KLC4: variants seen among roughly 807,000 people sequenced by gnomAD.
KLC4 encodes kinesin light chain 4.
KLC4 carries 49 observed loss-of-function variants against 77.2 expected under a neutral mutation model. The observed-to-expected ratio is 0.63, with a 90% confidence interval of 0.50 to 0.80. The LOEUF (loss-of-function observed/expected upper bound fraction) is 0.80. Among genes scored for constraint, KLC4 ranks in the 30% least tolerant of loss-of-function variants. The probability of loss-of-function intolerance (pLI) is 0.00; values close to 1 mark genes in which losing one functional copy is unlikely to be tolerated. For missense variants in KLC4, 669 were observed against 793.5 expected, an observed-to-expected ratio of 0.84 and a Z score of 1.89; for synonymous variants, 274 against 314.5, an observed-to-expected ratio of 0.87 and a Z score of 1.36.
At chr6:43,067,181 C>A in intron 6 of KLC4, 98 bp downstream of exon 6, 1 of 1,506,078 alleles carries the variant, frequency 6.6e-7, no homozygotes, top group South Asian at 1.3e-5. Flanking sequence ...TCAGTCCACT[C>A]ACTAAGGGTG....
At chr6:43,067,229 A>G (rs1228151494) in intron 6 of KLC4, 146 bp downstream of exon 6, 13 of 1,420,144 alleles carry the variant, frequency 9.2e-6, no homozygotes, top group Non-Finnish European at 1.1e-5. Flanking sequence ...TCTTCCAGGC[A>G]CTGTCCAGTG....
At chr6:43,071,220 A>AT in intron 8 of KLC4, 55 bp from the exon 9 acceptor site, 1 of 994,756 alleles carries the variant, frequency 1.0e-6, no homozygotes, top group Non-Finnish European at 1.5e-6. Context: ...AAAAAAAAAA[A>AT]GACCTTGCCT....
intron 1 of KLC4, 43 bp downstream of exon 1, chr6:43,059,728 T>C (rs1765035017): frequency 8.0e-7 from 1 of 1,256,256 alleles, no homozygotes; most frequent in Non-Finnish European, 1.0e-6. Context: ...TTAAGGTCTC[T>C]GCCATCTCTT....
At chr6:43,065,109 T>C (rs1418230136) in intron 3 of KLC4, among the ~76,000 whole-genome samples, 13 of 152,094 alleles carry the variant, frequency 8.5e-5, no homozygotes, top group Admixed American at 8.5e-4. Context: ...AGTTTCGCTC[T>C]TGTTGCCCAG....
Position 43,071,559 on chromosome 6 carries a change from A to T in KLC4, c.1256-8A>T, listed in dbSNP as rs1561920192. Reference sequence around the variant, plus strand: ...CTCTAACCTCCCCACCCCATGTATCACCCCTAGATGACCACAAGCCCATCT... The same window carrying T: ...CTCTAACCTCCCCACCCCATGTATCTCCCCTAGATGACCACAAGCCCATCT... On this transcript the variant is annotated splice_region_variant and splice_polypyrimidine_tract_variant and intron_variant, in intron 9 of 15. Transcript: ENST00000347162. 9.9e-6 allele frequency: 16 copies of T among 1,611,434 alleles called. No homozygotes were observed. The highest frequency in any genetic ancestry group is 1.3e-5 in the African/African-American group (1 of 74,722).
chr6:43,061,168 G>A, intron 1 of KLC4, 143 bp from the exon 2 acceptor site: 5 of 822,066 alleles, frequency 6.1e-6, no homozygotes, highest in Non-Finnish European at 7.7e-6. Flanking sequence ...CTCCCTGCCT[G>A]CTGGTCACTC....
rs750522763 is a variant in KLC4 at position 43,070,845 on chromosome 6, G to C, written c.1135G>C (p.Ala379Pro). Reference protein sequence around the residue: ...GQLGPDNPNVARTKNNLASCY... With the variant: ...GQLGPDNPNVPRTKNNLASCY... ...GCTGGGGCCGGACAACCCTAATGTA[G>C]CCCGGACCAAGAACAACCTGGTATG... Residue 379 changes from alanine to proline, a missense_variant, in exon 8 of 16, where the codon GCC (alanine) becomes CCC (proline). Coordinates refer to ENST00000347162, the MANE Select transcript of KLC4 (RefSeq NM_201521.3). The C allele has an allele frequency of 9.8e-5, 144 of 1,463,094 alleles. No individual in the cohort carries two copies. The highest frequency in any genetic ancestry group is 1.3e-4 in the Non-Finnish European group (137 of 1,084,296). The allele number at this position is 1,463,094 out of a possible 1,614,324, so 90.6% of individuals were successfully genotyped here. A position where few individuals can be genotyped will look rare whatever the true frequency, so the allele number is the denominator to read the frequency against.
chr6:43,070,902 A>C (rs377387983), intron 8 of KLC4, 37 bp downstream of exon 8: 16 of 254,530 alleles, frequency 6.3e-5, no homozygotes, highest in East Asian at 5.1e-4. Flanking sequence ...GAAGAAACGG[A>C]GAGGGGGGCA....
rs1561913985 is a variant in KLC4 at position 43,065,607 on chromosome 6, TCTTCC to T, written c.490-7_490-3del. The T allele has an allele frequency of 1.9e-6, 3 of 1,606,144 alleles. No individual in the cohort carries two copies. Among genetic ancestry groups the T allele is most frequent in the Non-Finnish European group, 2.6e-6 (3 of 1,172,822 alleles). ...GATATCTTGGCCCTTATATGTTGCTTCTTCCCTTCCAGGAGGAGAAAGAAGGCGAT... is the reference window on the plus strand; with the variant it reads ...GATATCTTGGCCCTTATATGTTGCTTCTTCCAGGAGGAGAAAGAAGGCGAT... On this transcript the variant is annotated splice_region_variant and splice_polypyrimidine_tract_variant and intron_variant, in intron 3 of 15. Coordinates refer to ENST00000347162, the MANE Select transcript of KLC4 (RefSeq NM_201521.3).
chr6:43,066,236 A>G (rs1051629475), intron 4 of KLC4, 70 bp from the exon 5 acceptor site: 52 of 1,278,498 alleles, frequency 4.1e-5, no homozygotes, highest in Admixed American at 1.4e-4. Flanking sequence ...AAGACATGCA[A>G]TGGGGAGTGG....
chr6:43,061,289 G>A (rs772759313), intron 1 of KLC4, 22 bp from the exon 2 acceptor site: 40 of 1,599,744 alleles, frequency 2.5e-5, no homozygotes, highest in Non-Finnish European at 3.3e-5. Context: ...TACACCAGCT[G>A]AACTCTGTTG....
intron 1 of KLC4, chr6:43,061,089 CTTTA>C: frequency 1.8e-6 from 1 of 566,128 alleles, no homozygotes; most frequent in Non-Finnish European, 3.1e-6. Context: ...TATAGTCTTC[CTTTA>C]TTTAAGTCAG....
At chr6:43,061,241 C>A in intron 1 of KLC4, 70 bp from the exon 2 acceptor site, 1 of 1,501,376 alleles carries the variant, frequency 6.7e-7, no homozygotes, top group Non-Finnish European at 9.1e-7. Context: ...ATTCCCACCA[C>A]TCTCTGAGAA....
At position 43,073,297 on chromosome 6, in the gene KLC4, C is replaced by G. The variant is rs746199064; in HGVS notation, c.1704C>G (p.Leu568=). The change falls in exon 14 of 16, where the codon CTC becomes CTG. Residue 568 remains leucine (L), a synonymous_variant. Coordinates refer to ENST00000347162, the MANE Select transcript of KLC4 (RefSeq NM_201521.3). ...ATGTGCTCCGCAGAAGCAGTGAACT[C>G]TTGGTGAGGAAGCTCCAGGGGACTG... ...IRDVLRRSSE[L]LVRKLQGTEP... is the part of the protein sequence containing the mutation. 6.2e-7 allele frequency: 1 copy of G among 1,614,074 alleles called. No homozygotes were observed. The highest frequency in any genetic ancestry group is 8.5e-7 in the Non-Finnish European group (1 of 1,179,994).
intron 3 of KLC4, among the ~76,000 whole-genome samples, chr6:43,064,832 C>T (rs1343523682): frequency 1.3e-5 from 2 of 152,040 alleles, no homozygotes; most frequent in Admixed American, 6.5e-5. Context: ...TTTCCTAGTG[C>T]GGAATAGGTT....
intron 1 of KLC4, chr6:43,059,986 TCTCA>T: frequency 7.8e-7 from 1 of 1,289,848 alleles, no homozygotes; most frequent in South Asian, 1.6e-5. Context: ...CCCCCGCCCA[TCTCA>T]CTCTCCCAAC....
rs951571684 is a variant in KLC4, at chr6:43,074,705, C to T, written c.*33C>T. 7 of 1,574,996 alleles carry T rather than the reference C, an allele frequency of 4.4e-6. No individual in the cohort carries two copies. The highest frequency in any genetic ancestry group is 2.2e-5 in the East Asian group (1 of 44,764). ...CCCGGCCCCCAGGTCTGCTGGGTCC[C>T]CCCACCCCCACAGCCCTCACAGCAT... On this transcript the variant is annotated 3_prime_UTR_variant, in exon 16 of 16. Coordinates refer to ENST00000347162, the MANE Select transcript of KLC4 (RefSeq NM_201521.3).
chr6:43,073,345 A>G lies in KLC4; in HGVS notation c.1745+7A>G. ...CTGAGCCTCGGCCCTCCAGGTATAC[A>G]TGGAAGTCAAGATACAGTAAAGTGG... On this transcript the variant is annotated splice_region_variant and intron_variant, in intron 14 of 15. Transcript: ENST00000347162. 1.3e-6 allele frequency: 2 copies of G among 1,595,322 alleles called. No individual in the cohort carries two copies. The highest frequency in any genetic ancestry group is 2.2e-5 in the East Asian group (1 of 44,734).
At chr6:43,060,874 G>A (rs1765111374) in intron 1 of KLC4, among the ~76,000 whole-genome samples, 1 of 152,042 alleles carries the variant, frequency 6.6e-6, no homozygotes, top group Admixed American at 6.6e-5. Context: ...GATTCCTTCC[G>A]TTTTTTCTAG....
Sources: gnomAD v4.1 joint callset for allele counts (sites outside exome capture counted in the v4.1 genomes callset) on GRCh38, gnomAD v4.1.1 for gene constraint, MANE v1.5 for transcripts, NCBI Gene and HGNC (gene_info 2026-07-23, HGNC 2026-07-21) for gene names.